Variants in OLA1 observed in about 807,000 individuals in gnomAD.
The protein encoded by OLA1 is obg-like ATPase 1.
Under a neutral mutation model 48.4 loss-of-function variants are expected in OLA1, and 14 were observed. The observed-to-expected ratio is 0.29, with a 90% CI of 0.19 to 0.45. The LOEUF (loss-of-function observed/expected upper bound fraction) is 0.45, where lower values mean the gene tolerates loss of function less well. Ranked by LOEUF, OLA1 falls within the 20% of genes least tolerant of loss-of-function variation. The pLI is 1.00. For synonymous variants in OLA1, 127 were observed against 150.4 expected (o/e 0.84, Z 1.14); for missense variants, 325 against 467.1 (o/e 0.70, Z 2.80).
intron 4 of OLA1, among the ~76,000 whole-genome samples, chr2:174,191,682 C>T (rs28647904): frequency 2.0e-5 from 3 of 152,016 alleles, no homozygotes; most frequent in African/African-American, 7.3e-5. Context: ...AGGCTGGTCT[C>T]AAACTCCTGA....
intron 5 of OLA1, among the ~76,000 whole-genome samples, chr2:174,139,331 C>A (rs1250002480): frequency 6.6e-6 from 1 of 152,212 alleles, no homozygotes; most frequent in East Asian, 1.9e-4. Context: ...GAAGCTAGAA[C>A]TTCTCCCCCA....
In OLA1 at chr2:174,231,563, AT is replaced by A. The variant is rs530151275; in HGVS notation, c.102-2113del. Among the ~76,000 whole-genome samples, 132 of 152,278 alleles carry A rather than the reference AT, an allele frequency of 8.7e-4. 2 individuals are homozygous for A. The highest frequency in any genetic ancestry group is 3.1e-3 in the African/African-American group (129 of 41,558). ...TGGACAAAAATAAGTATGTTTTGTG[AT>A]TTTTTAAAATGTATCCCTTAAAACA... On this transcript the variant is annotated intron_variant, in intron 2 of 10. Coordinates refer to ENST00000284719, the MANE Select transcript of OLA1 (RefSeq NM_013341.5).
chr2:174,216,482 A>G (rs898975216), intron 4 of OLA1, among the ~76,000 whole-genome samples: 1 of 152,176 alleles, frequency 6.6e-6, no homozygotes, highest in African/African-American at 2.4e-5. Context: ...CTGCCATTTC[A>G]GACAAACAAT....
At chr2:174,094,042 C>T (rs944441881) in intron 7 of OLA1, among the ~76,000 whole-genome samples, 3 of 152,034 alleles carry the variant, frequency 2.0e-5, no homozygotes, top group Admixed American at 6.6e-5. Flanking sequence ...TCTGATATAC[C>T]GGGATAGATG....
chr2:174,172,343 C>CGAAAAGAACCAGG (rs112589757), intron 4 of OLA1: 82,869 of 156,032 alleles, frequency 0.53, 22,709 homozygotes, highest in East Asian at 0.95. Flanking sequence ...GTGAGAGTGG[C>CGAAAAGAACCAGG]GAAAAGAGTG....
intron 2 of OLA1, among the ~76,000 whole-genome samples, chr2:174,234,275 T>C (rs539964931): frequency 1.3e-5 from 2 of 152,312 alleles, no homozygotes; most frequent in Admixed American, 1.3e-4. Context: ...GAATATAGTA[T>C]AGAATAATAC....
At chr2:174,160,666 G>A (rs980369085) in intron 4 of OLA1, among the ~76,000 whole-genome samples, 5 of 152,102 alleles carry the variant, frequency 3.3e-5, no homozygotes, top group South Asian at 4.1e-4. Flanking sequence ...TTTTCAAGCC[G>A]TCTTTGTGGC....
intron 5 of OLA1, among the ~76,000 whole-genome samples, chr2:174,128,170 C>G (rs1326700385): frequency 2.0e-5 from 3 of 151,438 alleles, no homozygotes; most frequent in Admixed American, 6.6e-5. Flanking sequence ...AGGCAGGAGG[C>G]TGGCTTGAGG....
chr2:174,113,018 G>A (rs1685691155), intron 7 of OLA1, among the ~76,000 whole-genome samples: 1 of 152,068 alleles, frequency 6.6e-6, no homozygotes, highest in South Asian at 2.1e-4. Flanking sequence ...TTGACTCACT[G>A]CAACCTCCAT....
At chr2:174,233,637 A>G (rs1688782443) in intron 2 of OLA1, among the ~76,000 whole-genome samples, 1 of 152,198 alleles carries the variant, frequency 6.6e-6, no homozygotes, top group Non-Finnish European at 1.5e-5. Context: ...AGCCTCCCAA[A>G]GTGCTAGGAT....
rs1685389559 is a variant in OLA1 at position 174,101,195 on chromosome 2, T to C, written c.729-19131A>G. Among the ~76,000 whole-genome samples, 3 of 152,238 alleles carry C rather than the reference T, an allele frequency of 2.0e-5. 1 individual carries two copies. Among genetic ancestry groups the C allele is most frequent in the Admixed American group, 2.0e-4 (3 of 15,278 alleles). ...CTTATCCACACTTGGTGGTGTTATT[T>C]TCATTTTAGCCATTCTATTAAGTAT... On this transcript the variant is annotated intron_variant, in intron 7 of 10. Coordinates refer to ENST00000284719, the MANE Select transcript of OLA1 (RefSeq NM_013341.5).
intron 4 of OLA1, among the ~76,000 whole-genome samples, chr2:174,149,643 C>T (rs1047442757): frequency 5.3e-5 from 8 of 152,154 alleles, no homozygotes; most frequent in African/African-American, 1.9e-4. Context: ...CAGATATTTA[C>T]GTGGTGAGAT....
In OLA1 at chr2:174,074,013, T is replaced by C. The variant is rs370062050; in HGVS notation, c.*1413A>G. ...TACTCACTGGAGAGCTTCTAAATTA[T>C]ACTCACGACTCAACCTCATCCTCTT... On this transcript the variant is annotated 3_prime_UTR_variant, in exon 11 of 11. Transcript: ENST00000284719. The C allele has an allele frequency of 4.4e-4, 67 of 152,344 alleles. No homozygotes were observed. Among genetic ancestry groups the C allele is most frequent in the African/African-American group, 1.4e-3 (60 of 41,590 alleles). 9.4% of individuals were successfully genotyped at this position (152,344 alleles called of 1,614,324 possible). A position where few individuals can be genotyped will look rare whatever the true frequency, so the allele number is the denominator to read the frequency against.
At chr2:174,121,396 G>T (rs1558963577) in intron 7 of OLA1, among the ~76,000 whole-genome samples, 1 of 152,088 alleles carries the variant, frequency 6.6e-6, no homozygotes, top group East Asian at 1.9e-4. Flanking sequence ...ACAGCAGGCG[G>T]CAGAAACTGT....
chr2:174,235,359 T>C (rs1688824747), intron 2 of OLA1, among the ~76,000 whole-genome samples: 1 of 152,184 alleles, frequency 6.6e-6, no homozygotes, highest in East Asian at 1.9e-4. Flanking sequence ...CATTCTGGAA[T>C]ATTGACAAGC....
At chr2:174,221,119 G>A (rs553868501) in intron 4 of OLA1, among the ~76,000 whole-genome samples, 6 of 152,122 alleles carry the variant, frequency 3.9e-5, no homozygotes, top group South Asian at 2.1e-4. Flanking sequence ...TCTAAGATGC[G>A]TATTTTGGCA....
chr2:174,239,778 C>G (rs1341916671), intron 2 of OLA1, among the ~76,000 whole-genome samples: 1 of 150,812 alleles, frequency 6.6e-6, no homozygotes, highest in African/African-American at 2.4e-5. Flanking sequence ...CCTGCAGTCC[C>G]AGCTATTCAG....
At chr2:174,146,980 T>C (rs528752269) in intron 4 of OLA1, among the ~76,000 whole-genome samples, 2 of 152,178 alleles carry the variant, frequency 1.3e-5, no homozygotes, top group East Asian at 1.9e-4. Context: ...TAAAATGGCA[T>C]AAATAAACAC....
intron 7 of OLA1, 133 bp from the exon 8 acceptor site, chr2:174,082,197 T>C (rs1684871199): frequency 5.3e-6 from 5 of 941,420 alleles, no homozygotes; most frequent in Non-Finnish European, 6.4e-6. Flanking sequence ...GTATATAGCT[T>C]TCCAAGGTCA....
Sources: allele counts gnomAD v4.1 joint callset (sites outside exome capture counted in the v4.1 genomes callset), GRCh38; gene constraint gnomAD v4.1.1; transcripts MANE v1.5; gene names NCBI Gene and HGNC (gene_info 2026-07-23, HGNC 2026-07-21).